Variants in NAV2 observed in about 807,000 individuals in gnomAD.
NAV2 encodes helicase, APC down-regulated 1.
A neutral mutation model predicts 223.2 loss-of-function variants in NAV2; 54 were observed. The observed-to-expected ratio is 0.24, with a 90% CI of 0.19 to 0.30. The LOEUF is 0.30. NAV2 is among the 10% of genes least tolerant of loss of function. The pLI is 1.00. For missense variants in NAV2, 2,806 were observed against 3,147.5 expected, an observed-to-expected ratio of 0.89 and a Z score of 2.60; for synonymous variants, 1,279 against 1,239.3, an observed-to-expected ratio of 1.03 and a Z score of -0.67.
At chr11:19,424,090 T>C (rs573490970) in intron 1 of NAV2, among the ~76,000 whole-genome samples, 2 of 152,216 alleles carry the variant, frequency 1.3e-5, no homozygotes, top group Non-Finnish European at 2.9e-5. Context: ...ATTTTAGCTA[T>C]TCTTTGTATG....
chr11:19,468,807 G>A (rs923013189), intron 1 of NAV2, among the ~76,000 whole-genome samples: 5 of 152,076 alleles, frequency 3.3e-5, no homozygotes, highest in African/African-American at 1.2e-4. Context: ...TGATGTTACT[G>A]TATTTTGAGG....
chr11:19,934,635 C>T (rs1172180182), intron 7 of NAV2, among the ~76,000 whole-genome samples: 1 of 152,058 alleles, frequency 6.6e-6, no homozygotes, highest in Non-Finnish European at 1.5e-5. Context: ...CCCGACAGTC[C>T]CCAGCATTAG....
chr11:20,054,043 T>C, intron 17 of NAV2, 37 bp from the exon 18 acceptor site: 1 of 1,604,678 alleles, frequency 6.2e-7, no homozygotes, highest in Non-Finnish European at 8.5e-7. Context: ...ATAAGCATTG[T>C]TCATAGTTAA....
intron 1 of NAV2, chr11:19,714,488 T>C (rs1263118064): frequency 4.4e-6 from 2 of 456,258 alleles, no homozygotes; most frequent in South Asian, 3.1e-5. Flanking sequence ...GAAGATGACC[T>C]GTCCCTGCCC....
intron 1 of NAV2, among the ~76,000 whole-genome samples, chr11:19,366,620 C>T (rs540375216): frequency 6.6e-6 from 1 of 152,066 alleles, no homozygotes; most frequent in Non-Finnish European, 1.5e-5. Context: ...TTAAACAGAC[C>T]CCAGATAAAA....
intron 1 of NAV2, among the ~76,000 whole-genome samples, chr11:19,555,208 G>A (rs1013381922): frequency 2.0e-5 from 3 of 152,198 alleles, no homozygotes; most frequent in Non-Finnish European, 4.4e-5. Context: ...AGCAGAAGCT[G>A]GCAGAGGGAG....
At chr11:19,882,819 T>C (rs1363836061) in intron 5 of NAV2, among the ~76,000 whole-genome samples, 1 of 152,226 alleles carries the variant, frequency 6.6e-6, no homozygotes, top group Admixed American at 6.5e-5. Context: ...GACCGGGCTT[T>C]GGAGTTGCTG....
At chr11:19,395,686 C>A (rs902301888) in intron 1 of NAV2, among the ~76,000 whole-genome samples, 10 of 152,320 alleles carry the variant, frequency 6.6e-5, no homozygotes, top group Admixed American at 2.0e-4. Context: ...TGGGAGCAAA[C>A]CAAGCACACT....
chr11:19,797,897 T>C (rs2058021721), intron 1 of NAV2, among the ~76,000 whole-genome samples: 1 of 152,182 alleles, frequency 6.6e-6, no homozygotes, highest in Non-Finnish European at 1.5e-5. Flanking sequence ...GTGTATGGTA[T>C]GAGTTCTGGA....
chr11:19,560,616 C>T (rs2045059924), intron 1 of NAV2, among the ~76,000 whole-genome samples: 1 of 152,214 alleles, frequency 6.6e-6, no homozygotes, highest in Non-Finnish European at 1.5e-5. Flanking sequence ...TTATAGAAAA[C>T]TCTAAAGCAC....
chr11:19,550,787 G>C (rs769367179), intron 1 of NAV2, among the ~76,000 whole-genome samples: 20 of 152,154 alleles, frequency 1.3e-4, no homozygotes, highest in Non-Finnish European at 2.2e-4. Context: ...ACAGAGATGG[G>C]GTGGAAGCAG....
chr11:19,682,812 C>T (rs2048914936), intron 1 of NAV2, among the ~76,000 whole-genome samples: 1 of 152,112 alleles, frequency 6.6e-6, no homozygotes, highest in African/African-American at 2.4e-5. Flanking sequence ...GAGGGATCTG[C>T]CCCCATGACC....
Position 20,114,798 on chromosome 11 carries a change from G to A in NAV2, c.7164+3G>A. ...GTGATGCTGAAGGTGACCCGCTGGT[G>A]AGTCCTCAGCCACCAGAGCAGCTCA... On this transcript the variant is annotated splice_donor_region_variant and intron_variant, in intron 37 of 37. Transcript: ENST00000349880. 6.2e-7 allele frequency: 1 copy of A among 1,612,016 alleles called. No individual in the cohort carries two copies. The highest frequency in any genetic ancestry group is 8.5e-7 in the Non-Finnish European group (1 of 1,179,248).
intron 11 of NAV2, among the ~76,000 whole-genome samples, chr11:20,007,614 A>T (rs1326207203): frequency 2.6e-5 from 4 of 152,240 alleles, no homozygotes; most frequent in African/African-American, 9.6e-5. Flanking sequence ...GGTCACCAGG[A>T]GAAGATAGAT....
intron 32 of NAV2, among the ~76,000 whole-genome samples, chr11:20,102,040 C>T (rs992510363): frequency 1.3e-5 from 2 of 152,160 alleles, no homozygotes; most frequent in Admixed American, 6.6e-5. Flanking sequence ...TGGGTATCTG[C>T]ACCATCTACA....
intron 1 of NAV2, among the ~76,000 whole-genome samples, chr11:19,427,038 T>A (rs544965345): frequency 6.7e-6 from 1 of 149,436 alleles, no homozygotes; most frequent in Non-Finnish European, 1.5e-5. Flanking sequence ...TGACTGAGAC[T>A]TCTTAGCAGC....
chr11:19,504,481 T>A (rs2043059843), intron 1 of NAV2: 1 of 152,142 alleles, frequency 6.6e-6, no homozygotes, highest in South Asian at 2.1e-4. Flanking sequence ...TGCGCTGCTT[T>A]GGGGAGGGAG....
At chr11:19,491,054 T>C (rs879549553) in intron 1 of NAV2, among the ~76,000 whole-genome samples, 17 of 152,068 alleles carry the variant, frequency 1.1e-4, no homozygotes, top group Admixed American at 3.9e-4. Flanking sequence ...GTCTCAAGAG[T>C]GGGCTTAAAA....
chr11:19,815,343 G>A (rs2059039859), intron 1 of NAV2, among the ~76,000 whole-genome samples: 1 of 152,188 alleles, frequency 6.6e-6, no homozygotes, highest in African/African-American at 2.4e-5. Flanking sequence ...ACAATTAATG[G>A]GGATGTCCCT....
Sources: allele counts gnomAD v4.1 joint callset (sites outside exome capture counted in the v4.1 genomes callset), GRCh38; gene constraint gnomAD v4.1.1; transcripts MANE v1.5; gene names NCBI Gene and HGNC (gene_info 2026-07-23, HGNC 2026-07-21).